Variants in PROSER2 observed in about 807,000 individuals in gnomAD.
PROSER2 encodes proline and serine-rich protein 2.
Under a neutral mutation model 14.6 loss-of-function variants are expected in PROSER2, and 18 were observed. The observed-to-expected ratio is 1.23, with a 90% CI of 0.85 to 1.83. The LOEUF (loss-of-function observed/expected upper bound fraction) is 1.83, where lower values mean the gene tolerates loss of function less well. Ranked by LOEUF, PROSER2 falls within the 40% of genes most tolerant of loss-of-function variation. The pLI is 0.00. For missense variants in PROSER2, 823 were observed against 629.8 expected (o/e 1.31, Z -3.28); for synonymous variants, 367 against 286.4 (o/e 1.28, Z -2.84).
chr10:11,851,944 C>G, intron 1 of PROSER2, 53 bp from the exon 2 acceptor site: 1 of 854,880 alleles, frequency 1.2e-6, no homozygotes, highest in South Asian at 3.4e-5. Flanking sequence ...GGGATTGAGG[C>G]GTTTTACAGT....
rs186435382 is a variant in PROSER2 at position 11,830,584 on chromosome 10, T to C, written c.-82+7114T>C. 1.3e-4 allele frequency among the ~76,000 whole-genome samples: 20 copies of C among 152,298 alleles called. No individual in the cohort carries two copies. The East Asian group carries it at 3.5e-3, about 26-fold the overall frequency. On this transcript the variant is annotated intron_variant, in intron 1 of 3. Transcript: ENST00000277570. This position sits in a 1 kb window ranked among gnomAD's most constrained non-coding sequence, Gnocchi z 4.5. ...GGTCCTGTGGTAGTTCTAGGTTTAG[T>C]CCCTGAGAAATCTCTATTCTGTTTT...
chr10:11,833,984 CTTTTTTTTTTTTTT>C (rs35005102), intron 1 of PROSER2, among the ~76,000 whole-genome samples: 19 of 48,226 alleles, frequency 3.9e-4, no homozygotes, highest in Non-Finnish European at 5.8e-4. Flanking sequence ...GTAGCTCTTT[CTTTTTTTTTTTTTT>C]TTTTTTTTTT....
chr10:11,852,524 G>T (rs1297353394), intron 2 of PROSER2, among the ~76,000 whole-genome samples: 1 of 143,806 alleles, frequency 7.0e-6, no homozygotes, highest in East Asian at 2.2e-4. Flanking sequence ...GAGCTCACAC[G>T]ATAAACACAG....
chr10:11,855,140 G>GTTTT (rs200816965), intron 2 of PROSER2, among the ~76,000 whole-genome samples: 2 of 135,118 alleles, frequency 1.5e-5, no homozygotes, highest in Admixed American at 7.5e-5. Context: ...ATTTATAGAG[G>GTTTT]TTTTTTGTTT....
intron 2 of PROSER2, among the ~76,000 whole-genome samples, chr10:11,853,636 C>T (rs915756312): frequency 6.6e-6 from 1 of 152,150 alleles, no homozygotes; most frequent in African/African-American, 2.4e-5. Flanking sequence ...TTCTCCTTCC[C>T]TGGTGTTCTG....
intron 2 of PROSER2, among the ~76,000 whole-genome samples, chr10:11,858,039 A>G (rs1035128524): frequency 6.6e-6 from 1 of 152,050 alleles, no homozygotes; most frequent in South Asian, 2.1e-4. Flanking sequence ...GGTTCCAGCA[A>G]TTCTCCTGCT....
chr10:11,845,974 C>T (rs1588489345), intron 1 of PROSER2, among the ~76,000 whole-genome samples: 1 of 152,250 alleles, frequency 6.6e-6, no homozygotes, highest in African/African-American at 2.4e-5. Context: ...TTCATTCATT[C>T]ATTCATTCAT....
intron 2 of PROSER2, among the ~76,000 whole-genome samples, chr10:11,852,524 G>A (rs1297353394): frequency 7.0e-6 from 1 of 143,806 alleles, no homozygotes; most frequent in South Asian, 2.2e-4. Flanking sequence ...GAGCTCACAC[G>A]ATAAACACAG....
intron 2 of PROSER2, among the ~76,000 whole-genome samples, chr10:11,858,755 A>C (rs1376329995): frequency 6.6e-6 from 1 of 152,150 alleles, no homozygotes; most frequent in African/African-American, 2.4e-5. Context: ...TCACGCCTAT[A>C]ATCCCAGCAC....
intron 1 of PROSER2, among the ~76,000 whole-genome samples, chr10:11,824,067 C>T (rs1833578646): frequency 6.6e-6 from 1 of 152,186 alleles, no homozygotes; most frequent in Non-Finnish European, 1.5e-5. Context: ...CAGTATTTCT[C>T]CAAGGCTTTG....
At chr10:11,849,181 C>T (rs1387864946) in intron 1 of PROSER2, among the ~76,000 whole-genome samples, 1 of 151,254 alleles carries the variant, frequency 6.6e-6, no homozygotes, top group Non-Finnish European at 1.5e-5. Context: ...AGCAAAACTC[C>T]GTCTCAAAAA....
At chr10:11,858,113 AT>A (rs1193128770) in intron 2 of PROSER2, among the ~76,000 whole-genome samples, 1 of 151,442 alleles carries the variant, frequency 6.6e-6, no homozygotes, top group Non-Finnish European at 1.5e-5. Context: ...TTTTTTTTGT[AT>A]TTTTAGTAGA....
At chr10:11,851,903 G>A (rs974285539) in intron 1 of PROSER2, 94 bp from the exon 2 acceptor site, 14 of 540,476 alleles carry the variant, frequency 2.6e-5, no homozygotes, top group Non-Finnish European at 4.0e-5. Flanking sequence ...TCGAGTCTGA[G>A]AGTGGAGATT....
chr10:11,857,909 T>C (rs775158671), intron 2 of PROSER2, among the ~76,000 whole-genome samples: 1 of 152,176 alleles, frequency 6.6e-6, no homozygotes, highest in African/African-American at 2.4e-5. Context: ...GCCACAATTG[T>C]CTTAGTCTGC....
chr10:11,832,817 CTTTTTT>C (rs59913374), intron 1 of PROSER2, among the ~76,000 whole-genome samples: 2 of 151,098 alleles, frequency 1.3e-5, no homozygotes, highest in Non-Finnish European at 2.9e-5. Flanking sequence ...TTAGGGTGCT[CTTTTTT>C]TTTTATTTAG....
chr10:11,850,896 G>C (rs1028898845), intron 1 of PROSER2: 5 of 152,280 alleles, frequency 3.3e-5, no homozygotes, highest in Non-Finnish European at 7.3e-5. Context: ...CTAACATGCC[G>C]TTCAGGGGCT....
rs567553464 is a variant in PROSER2, at chr10:11,868,660, G to GT, written c.392-824dup. On this transcript the variant is annotated intron_variant, in intron 3 of 3. Coordinates refer to ENST00000277570, the MANE Select transcript of PROSER2 (RefSeq NM_153256.4). ...TTTGTTTTTTGTTTTGTTTTGTTTT[G>GT]TTTTTTCTGAGACAGAGTCTCACTG... 3.8e-3 allele frequency among the ~76,000 whole-genome samples: 577 copies of GT among 150,866 alleles called. 4 individuals carry two copies. The highest frequency in any genetic ancestry group is 0.013 in the African/African-American group (528 of 40,396).
At chr10:11,833,607 T>G (rs1833717962) in intron 1 of PROSER2, among the ~76,000 whole-genome samples, 1 of 151,810 alleles carries the variant, frequency 6.6e-6, no homozygotes, top group South Asian at 2.1e-4. Context: ...AGGAGAATCT[T>G]TTGAACCCAG....
In PROSER2 at chr10:11,871,106, G is replaced by GTGTA. The variant is rs1262116978; in HGVS notation, c.*704_*707dup. On this transcript the variant is annotated 3_prime_UTR_variant, in exon 4 of 4. Transcript: ENST00000277570. ...CGTGTGCGTGAGCCTGTGTTTGTGT[G>GTGTA]TGTATGTTTTTAGATACGTACGTGT... is the stretch of plus-strand genomic sequence containing the variant. 2 of 152,210 alleles carry GTGTA rather than the reference G, an allele frequency of 1.3e-5. No individual in the cohort carries two copies. The highest frequency in any genetic ancestry group is 2.4e-5 in the African/African-American group (1 of 41,446). The allele number at this position is 152,210 out of a possible 1,614,324, so 9.4% of individuals were successfully genotyped here. A position where few individuals can be genotyped will look rare whatever the true frequency, so the allele number is the denominator to read the frequency against.
Sources: allele counts gnomAD v4.1 joint callset (sites outside exome capture counted in the v4.1 genomes callset), GRCh38; gene constraint gnomAD v4.1.1; non-coding constraint Gnocchi (gnomAD v3.1); transcripts MANE v1.5; gene names NCBI Gene and HGNC (gene_info 2026-07-23, HGNC 2026-07-21).